The following TAPT1 variants were observed in gnomAD, a reference collection of about 807,000 sequenced individuals.
TAPT1 encodes transmembrane anterior posterior transformation protein 1 homolog.
Under a neutral mutation model 65.6 loss-of-function variants are expected in TAPT1, and 28 were observed. The observed-to-expected ratio is 0.43, with a 90% CI of 0.32 to 0.59. The LOEUF is 0.59. TAPT1 is among the 20% of genes least tolerant of loss of function. TAPT1 has a pLI of 0.09. For synonymous variants in TAPT1, 278 were observed against 245.2 expected (o/e 1.13, Z -1.25); for missense variants, 563 against 679.9 (o/e 0.83, Z 1.91).
chr4:16,188,421 G>A, intron 4 of TAPT1, 66 bp from the exon 5 acceptor site: 1 of 1,261,080 alleles, frequency 7.9e-7, no homozygotes. Flanking sequence ...CTAAAATTGA[G>A]ATATAGCTCA....
chr4:16,166,606 G>A lies in TAPT1; in HGVS notation c.1474+27C>T, dbSNP rs1401719496. 3 of 1,607,544 alleles carry A rather than the reference G, an allele frequency of 1.9e-6. No homozygotes were observed. In the South Asian group the frequency reaches 3.3e-5, roughly 18 times the overall value. ...ATTTAACTCTTTGAAAATGATCCAG[G>A]GAAGTGAAGAAAGGGACCAAACCTA... On this transcript the variant is annotated intron_variant, in intron 13 of 13. Transcript: ENST00000405303.
intron 3 of TAPT1, among the ~76,000 whole-genome samples, chr4:16,202,152 G>A (rs947819828): frequency 6.6e-5 from 10 of 152,098 alleles, no homozygotes; most frequent in East Asian, 1.9e-4. Context: ...AGTTAAGAAC[G>A]TGATAAGTAG....
At chr4:16,180,143 T>C (rs1748625835) in intron 7 of TAPT1, among the ~76,000 whole-genome samples, 1 of 152,198 alleles carries the variant, frequency 6.6e-6, no homozygotes, top group African/African-American at 2.4e-5. Context: ...GAGAGAATCC[T>C]GCTACTACAA....
chr4:16,226,588 C>G (rs1751587365), upstream of TAPT1: 1 of 572,124 alleles, frequency 1.7e-6, no homozygotes, highest in Non-Finnish European at 2.2e-6. Context: ...CGCGGCCCGC[C>G]GACCGGCGCG....
At chr4:16,170,309 A>G (rs1747909761) in intron 12 of TAPT1, among the ~76,000 whole-genome samples, 1 of 152,252 alleles carries the variant, frequency 6.6e-6, no homozygotes, top group South Asian at 2.1e-4. Flanking sequence ...CAATGTGGCA[A>G]ACATATTGGA....
intron 3 of TAPT1, among the ~76,000 whole-genome samples, chr4:16,201,891 C>T (rs1351741444): frequency 6.6e-6 from 1 of 152,136 alleles, no homozygotes; most frequent in East Asian, 1.9e-4. Context: ...AATGTCGGGT[C>T]GGGCTCTCTG....
chr4:16,227,179 T>C (rs1276876165), upstream of TAPT1: 1 of 455,602 alleles, frequency 2.2e-6, no homozygotes. Context: ...TCACAACAGG[T>C]GGGGACGCGC....
chr4:16,223,295 G>A (rs563262499), intron 1 of TAPT1, among the ~76,000 whole-genome samples: 2 of 152,324 alleles, frequency 1.3e-5, no homozygotes, highest in African/African-American at 2.4e-5. Context: ...TAGGACTTCT[G>A]CAGATGAATC....
rs1341216192 is a variant in TAPT1 at position 16,179,565 on chromosome 4, AGAGT to A, written c.997+8_997+11del. 1 of 1,487,804 alleles carries A rather than the reference AGAGT, an allele frequency of 6.7e-7. No individual in the cohort carries two copies. Among genetic ancestry groups the A allele is most frequent in the Non-Finnish European group, 9.0e-7 (1 of 1,106,470 alleles). 92.2% of individuals were successfully genotyped at this position (1,487,804 alleles called of 1,614,324 possible). On this transcript the variant is annotated splice_region_variant and intron_variant, in intron 8 of 13. Coordinates refer to ENST00000405303, the MANE Select transcript of TAPT1 (RefSeq NM_153365.3). ...AAAATTATAAGACACTGTTTTGTTA[AGAGT>A]GAGTTACCTGGATTCCAAGAAAACT...
chr4:16,219,951 G>C (rs373607067), intron 1 of TAPT1, among the ~76,000 whole-genome samples: 2 of 152,170 alleles, frequency 1.3e-5, no homozygotes, highest in South Asian at 2.1e-4. Flanking sequence ...CATGGTGAAG[G>C]AGGTAGGAGG....
At chr4:16,171,811 T>C (rs1748010528) in intron 11 of TAPT1, among the ~76,000 whole-genome samples, 1 of 152,246 alleles carries the variant, frequency 6.6e-6, no homozygotes, top group Admixed American at 6.5e-5. Flanking sequence ...AAGGCTTAAA[T>C]AACTATACTT....
chr4:16,202,498 A>G lies in TAPT1; in HGVS notation c.413T>C (p.Leu138Pro), dbSNP rs1180293674. 3.2e-6 allele frequency: 5 copies of G among 1,552,598 alleles called. No homozygotes were observed. The highest frequency in any genetic ancestry group is 4.4e-6 in the Non-Finnish European group (5 of 1,147,464). Residue 138 changes from leucine to proline, a missense_variant, in exon 3 of 14, where the codon CTA becomes CCA. By Grantham distance (98) the Leu-to-Pro change is moderately conservative. Transcript: ENST00000405303. ...GCAAGGCAAAGTGAGGAGCCTGAATAGTGCCAGGAAAACTCTTAAAGGAAG... is the reference window on the plus strand; with the variant it reads ...GCAAGGCAAAGTGAGGAGCCTGAATGGTGCCAGGAAAACTCTTAAAGGAAG... Reference protein sequence around the residue: ...TLLPLRVFLALFRLLTLPCYG... With the variant: ...TLLPLRVFLAPFRLLTLPCYG...
At chr4:16,201,543 A>C (rs1750031545) in intron 3 of TAPT1, among the ~76,000 whole-genome samples, 1 of 152,226 alleles carries the variant, frequency 6.6e-6, no homozygotes, top group African/African-American at 2.4e-5. Flanking sequence ...AATGCTGTGA[A>C]GAGTGACTAT....
intron 8 of TAPT1, 57 bp from the exon 9 acceptor site, chr4:16,176,285 C>A: frequency 1.2e-6 from 1 of 809,778 alleles, no homozygotes; most frequent in Non-Finnish European, 1.9e-6. Context: ...GAATCCATAT[C>A]ACAGGCTACC....
Position 16,174,883 on chromosome 4 carries a change from C to T in TAPT1, c.1108-154G>A, listed in dbSNP as rs549413670. On this transcript the variant is annotated intron_variant, in intron 9 of 13. Coordinates refer to ENST00000405303, the MANE Select transcript of TAPT1 (RefSeq NM_153365.3). ...TGGGCATAATTTCTTATTTGTTTTC[C>T]TACAGTAAAGGTAAAATGTAACCTC... 4.0e-4 allele frequency: 210 copies of T among 531,388 alleles called. No homozygotes were observed. The East Asian group carries it at 6.9e-3, about 18-fold the overall frequency. 32.9% of individuals were successfully genotyped at this position (531,388 alleles called of 1,614,324 possible).
chr4:16,171,206 T>C (rs2149670879), intron 11 of TAPT1, among the ~76,000 whole-genome samples: 1 of 152,344 alleles, frequency 6.6e-6, no homozygotes, highest in South Asian at 2.1e-4. Context: ...GACTCTTTTA[T>C]GAACCCCCAG....
intron 11 of TAPT1, among the ~76,000 whole-genome samples, chr4:16,173,049 C>T (rs1748107631): frequency 6.6e-6 from 1 of 152,160 alleles, no homozygotes. Context: ...GTTTCAAACT[C>T]CTGACCTCAG....
chr4:16,197,052 C>G (rs1209561213), intron 3 of TAPT1, among the ~76,000 whole-genome samples: 1 of 152,098 alleles, frequency 6.6e-6, no homozygotes, highest in Non-Finnish European at 1.5e-5. Context: ...TTGGGCAGAA[C>G]TATTTCGAAA....
chr4:16,204,624 A>C (rs1750236640), intron 2 of TAPT1, among the ~76,000 whole-genome samples: 1 of 152,234 alleles, frequency 6.6e-6, no homozygotes, highest in Non-Finnish European at 1.5e-5. Flanking sequence ...GGACTTCAGA[A>C]GCCTTCTACA....
Sources: gnomAD v4.1 joint callset for allele counts (sites outside exome capture counted in the v4.1 genomes callset) on GRCh38, gnomAD v4.1.1 for gene constraint, MANE v1.5 for transcripts, NCBI Gene and HGNC (gene_info 2026-07-23, HGNC 2026-07-21) for gene names.